The following RNF217 variants were observed in gnomAD, a reference collection of about 807,000 sequenced individuals.
RNF217 encodes ring finger protein 217, also known as E3 ubiquitin-protein ligase RNF217.
In RNF217, 31 loss-of-function variants were observed where a neutral mutation model predicts 57.8. That is an observed-to-expected ratio of 0.54 (90% CI 0.40 to 0.72). RNF217 has a LOEUF of 0.72. Among genes scored for constraint, RNF217 ranks in the 30% least tolerant of loss-of-function variants. The pLI, the probability that RNF217 is intolerant of heterozygous loss-of-function variation, is 0.00. For synonymous variants in RNF217, 313 were observed against 294.0 expected, an observed-to-expected ratio of 1.06 and a Z score of -0.66; for missense variants, 696 against 708.3, an observed-to-expected ratio of 0.98 and a Z score of 0.20.
chr6:125,014,973 C>T (rs1341042322), intron 1 of RNF217, among the ~76,000 whole-genome samples: 1 of 152,040 alleles, frequency 6.6e-6, no homozygotes, highest in Non-Finnish European at 1.5e-5. Flanking sequence ...TGCACTGGTC[C>T]TGTGTTGTGT....
intron 1 of RNF217, among the ~76,000 whole-genome samples, chr6:125,044,468 A>G (rs1466427384): frequency 2.0e-5 from 3 of 152,034 alleles, no homozygotes; most frequent in African/African-American, 7.2e-5. Flanking sequence ...CACATGCTAA[A>G]TGTTGCGTTT....
At chr6:125,071,370 T>G (rs990925280) in intron 3 of RNF217, among the ~76,000 whole-genome samples, 1 of 152,126 alleles carries the variant, frequency 6.6e-6, no homozygotes, top group Non-Finnish European at 1.5e-5. Flanking sequence ...ATACTCACAG[T>G]GGACTGGGTT....
chr6:124,986,753 G>C (rs1033926586), intron 1 of RNF217, among the ~76,000 whole-genome samples: 2 of 152,082 alleles, frequency 1.3e-5, no homozygotes, highest in African/African-American at 2.4e-5. Flanking sequence ...GTAGGTACTT[G>C]TAATACAAGA....
intron 1 of RNF217, among the ~76,000 whole-genome samples, chr6:124,998,163 C>T (rs1358690373): frequency 1.3e-5 from 2 of 152,174 alleles, no homozygotes; most frequent in African/African-American, 2.4e-5. Flanking sequence ...CTCCCAGTCA[C>T]GTAGCCTCAA....
In RNF217 at chr6:125,057,971, G is replaced by A. The variant is rs139541817; in HGVS notation, c.1146G>A (p.Trp382Ter). 1.9e-6 allele frequency: 3 copies of A among 1,611,374 alleles called. No individual in the cohort carries two copies. The highest frequency in any genetic ancestry group is 1.3e-5 in the African/African-American group (1 of 74,888). The change falls in exon 3 of 6, where the codon TGG becomes TGA. Residue 382 changes from tryptophan (W) to a stop codon, truncating the protein, a stop_gained. Coordinates refer to ENST00000521654, the MANE Select transcript of RNF217 (RefSeq NM_001286398.3). LOFTEE classifies it high-confidence loss of function. The stretch of plus-strand genomic sequence containing the variant: ...AGTGCCCTACCTGCCAATTCGTCTG[G>A]TGTTTTAAGTGCCACTCTCCTTGGC... ...KIQCPTCQFV[W>*]CFKCHSPWHE...
chr6:124,983,387 A>T, intron 1 of RNF217: 1 of 985,166 alleles, frequency 1.0e-6, no homozygotes, highest in Non-Finnish European at 1.2e-6. Context: ...AGGAGGACAC[A>T]AACATGAGAA....
chr6:125,058,360 T>C (rs943488018), intron 3 of RNF217, among the ~76,000 whole-genome samples: 3 of 152,130 alleles, frequency 2.0e-5, no homozygotes, highest in African/African-American at 7.2e-5. Context: ...ATTGAGGTCC[T>C]TATATTACAT....
chr6:125,082,507 A>G (rs1788611801), intron 5 of RNF217: 1 of 1,612,586 alleles, frequency 6.2e-7, no homozygotes, highest in Admixed American at 1.7e-5. Context: ...ATCAAACCCA[A>G]CATTTGGCTC....
intron 1 of RNF217, among the ~76,000 whole-genome samples, chr6:125,029,013 A>G (rs1420685970): frequency 1.3e-5 from 2 of 152,198 alleles, no homozygotes; most frequent in Non-Finnish European, 1.5e-5. Flanking sequence ...TTTTAACTGT[A>G]TTGAAATTAC....
intron 1 of RNF217, chr6:125,009,393 A>T: frequency 1.5e-6 from 1 of 665,188 alleles, no homozygotes; most frequent in Admixed American, 2.5e-5. Flanking sequence ...CTGGAAGAGT[A>T]GATTTTTTCA....
chr6:124,998,136 C>A (rs1409432280), intron 1 of RNF217, among the ~76,000 whole-genome samples: 1 of 152,190 alleles, frequency 6.6e-6, no homozygotes, highest in East Asian at 1.9e-4. Flanking sequence ...CTATTCTCAG[C>A]TCTGGGCATT....
chr6:125,080,863 T>G (rs988347758), intron 4 of RNF217, among the ~76,000 whole-genome samples: 10 of 152,126 alleles, frequency 6.6e-5, no homozygotes, highest in African/African-American at 2.2e-4. Context: ...TTCAACGTAC[T>G]AGGTATTTAT....
intron 1 of RNF217, among the ~76,000 whole-genome samples, chr6:125,044,612 G>C (rs1207061159): frequency 6.6e-6 from 1 of 151,930 alleles, no homozygotes; most frequent in Non-Finnish European, 1.5e-5. Flanking sequence ...TTTCTTACTT[G>C]TTCCTATGAT....
At chr6:124,986,320 A>G (rs1490586444) in intron 1 of RNF217, among the ~76,000 whole-genome samples, 1 of 152,176 alleles carries the variant, frequency 6.6e-6, no homozygotes, top group Non-Finnish European at 1.5e-5. Context: ...TTCCTCCCAC[A>G]TCAAGAAAGT....
At chr6:125,056,937 A>T (rs1033040487) in intron 2 of RNF217, among the ~76,000 whole-genome samples, 1 of 152,186 alleles carries the variant, frequency 6.6e-6, no homozygotes, top group East Asian at 1.9e-4. Context: ...TTCATATTAA[A>T]CTTACACGTG....
At position 125,088,055 on chromosome 6, in the gene RNF217, A is replaced by G. The variant is rs1382269590; in HGVS notation, c.*5118A>G. On this transcript the variant is annotated 3_prime_UTR_variant, in exon 6 of 6. Coordinates refer to ENST00000521654, the MANE Select transcript of RNF217 (RefSeq NM_001286398.3). The stretch of plus-strand genomic sequence containing the variant: ...TTTTTTTGAGACAGAGGTTCTCTCA[A>G]TGTTGCCCAGGCTGGTCTCAAACTC... The G allele has an allele frequency of 3.6e-5, 5 of 139,854 alleles. No individual in the cohort carries two copies. In the South Asian group the frequency reaches 6.7e-4, roughly 19 times the overall value. 8.7% of individuals were successfully genotyped at this position (139,854 alleles called of 1,614,324 possible).
At chr6:125,012,130 A>T (rs1036161879) in intron 1 of RNF217, among the ~76,000 whole-genome samples, 1 of 152,178 alleles carries the variant, frequency 6.6e-6, no homozygotes, top group Admixed American at 6.6e-5. Context: ...AAAAAGAAAC[A>T]ATAAGAAACT....
intron 1 of RNF217, among the ~76,000 whole-genome samples, chr6:125,004,968 G>A (rs1785120820): frequency 6.6e-6 from 1 of 152,186 alleles, no homozygotes; most frequent in South Asian, 2.1e-4. Context: ...GGAAGTCCAA[G>A]TGTATGGTGC....
chr6:125,050,575 T>C (rs963477468), intron 2 of RNF217, among the ~76,000 whole-genome samples: 1 of 151,966 alleles, frequency 6.6e-6, no homozygotes, highest in African/African-American at 2.4e-5. Context: ...GTCAAATCAA[T>C]CGGTTGTTGC....
Sources: gnomAD v4.1 joint callset for allele counts (sites outside exome capture counted in the v4.1 genomes callset) on GRCh38, gnomAD v4.1.1 for gene constraint, MANE v1.5 for transcripts, NCBI Gene and HGNC (gene_info 2026-07-23, HGNC 2026-07-21) for gene names.